MACF1: variants seen among roughly 807,000 people sequenced by gnomAD.
MACF1 encodes the protein microtubule-actin cross-linking factor 1.
A neutral mutation model predicts 854.8 loss-of-function variants in MACF1; 193 were observed. That is an observed-to-expected ratio of 0.23 (90% CI 0.20 to 0.25). The LOEUF (loss-of-function observed/expected upper bound fraction) is 0.25, where lower values mean the gene tolerates loss of function less well. Among genes scored for constraint, MACF1 ranks in the 10% least tolerant of loss-of-function variants. The pLI is 1.00. For missense variants in MACF1, 7,722 were observed against 8,929.1 expected (o/e 0.86, Z 5.45); for synonymous variants, 3,185 against 3,226.7 (o/e 0.99, Z 0.44).
At chr1:39,353,728 A>G (rs1010945228) in intron 44 of MACF1, among the ~76,000 whole-genome samples, 2 of 152,114 alleles carry the variant, frequency 1.3e-5, no homozygotes, top group African/African-American at 2.4e-5. Context: ...ACAATTAAAC[A>G]TTCTCTTTCC....
intron 80 of MACF1, among the ~76,000 whole-genome samples, chr1:39,446,533 G>A (rs1016072471): frequency 6.6e-6 from 1 of 150,770 alleles, no homozygotes; most frequent in Non-Finnish European, 1.5e-5. Flanking sequence ...AAAATAACCT[G>A]AAAGCGCAAA....
chr1:39,429,167 A>G lies in MACF1; in HGVS notation c.16804-75A>G, dbSNP rs645061. On this transcript the variant is annotated intron_variant, in intron 63 of 100. Transcript: ENST00000564288. ...TATTCATCTCTTTACTTTAAATTTG[A>G]TCTCTTAAAGGTCTCGCATTTTGTT... The G allele has an allele frequency of 0.75, 537,133 of 712,450 alleles. 205,301 individuals are homozygous for G. The highest frequency in any genetic ancestry group is 0.94 in the African/African-American group (52,333 of 55,602). 44.1% of individuals were successfully genotyped at this position (712,450 alleles called of 1,614,324 possible).
intron 49 of MACF1, among the ~76,000 whole-genome samples, chr1:39,363,269 CAA>C (rs1569711794): frequency 6.6e-6 from 1 of 152,096 alleles, no homozygotes; most frequent in Non-Finnish European, 1.5e-5. Context: ...TAAAACTCTT[CAA>C]AAAGTTATAC....
chr1:39,202,087 C>T (rs979168942), upstream of MACF1, among the ~76,000 whole-genome samples: 2 of 149,624 alleles, frequency 1.3e-5, no homozygotes, highest in African/African-American at 4.9e-5. Flanking sequence ...CTGCCTCAGC[C>T]TCCCAAGTAG....
chr1:39,286,529 C>T (rs1166476695), intron 14 of MACF1, among the ~76,000 whole-genome samples: 1 of 151,344 alleles, frequency 6.6e-6, no homozygotes, highest in Non-Finnish European at 1.5e-5. Context: ...TGCAGTGACA[C>T]GATCTCGGCT....
At position 39,460,806 on chromosome 1, in the gene MACF1, C is replaced by T; in HGVS notation, c.21523+12C>T. ...CATTTTAGCATCCAGTGAGTCTAGT[C>T]ATCATTCCAAACATGGGTCACACCT... On this transcript the variant is annotated intron_variant, in intron 92 of 100. Transcript: ENST00000564288. This position sits in a 1 kb window ranked among gnomAD's most constrained non-coding sequence, Gnocchi z 4.1. 7 of 1,613,792 alleles carry T rather than the reference C, an allele frequency of 4.3e-6. No individual in the cohort carries two copies. Among genetic ancestry groups the T allele is most frequent in the Non-Finnish European group, 5.9e-6 (7 of 1,179,724 alleles).
In MACF1 at chr1:39,413,159, C is replaced by A. The variant is rs761023006; in HGVS notation, c.15817-9215C>A. 8 of 1,613,152 alleles carry A rather than the reference C, an allele frequency of 5.0e-6. No individual in the cohort carries two copies. The East Asian group carries it at 1.8e-4, about 36-fold the overall frequency. On this transcript the variant is annotated intron_variant, in intron 58 of 100. Coordinates refer to ENST00000564288, the MANE Select transcript of MACF1 (RefSeq NM_001394062.1). ...GCTTTAGCTATTACAGTACCCATCA[C>A]AGAGGAGGATGGTACACCAGAAGGG...
At chr1:39,417,703 C>T (rs1254665358) in intron 58 of MACF1, among the ~76,000 whole-genome samples, 4 of 145,310 alleles carry the variant, frequency 2.8e-5, no homozygotes, top group African/African-American at 5.0e-5. Context: ...TGTGCCACCA[C>T]ACCCAGTTAA....
rs75051271 is a variant in MACF1 at position 39,184,168 on chromosome 1, G to A, written c.221-47014G>A. The stretch of plus-strand genomic sequence containing the variant: ...TGTTCATGTGCCCTCAGAGCATATG[G>A]TTGAGTCTATGCATGTCTTGGGTAT... On this transcript the variant is annotated intron_variant, in intron 2 of 93. Coordinates refer to the MACF1 transcript ENST00000361689. Among the ~76,000 whole-genome samples the A allele has an allele frequency of 3.0e-4, 45 of 152,290 alleles. No individual in the cohort carries two copies. In the East Asian group the frequency reaches 7.9e-3, roughly 27 times the overall value.
intron 1 of MACF1, among the ~76,000 whole-genome samples, chr1:39,228,565 C>T (rs1009999078): frequency 6.6e-6 from 1 of 152,172 alleles, no homozygotes; most frequent in Non-Finnish European, 1.5e-5. Flanking sequence ...GTTGGAATGA[C>T]AGTGATCAAA....
Position 39,302,349 on chromosome 1 carries a change from A to G in MACF1, c.2635-575A>G, listed in dbSNP as rs898849146. ...CCTAGCACATAGTAGACACTCAAGA[A>G]ATATGTATTATACAAAAGAATGAAT... On this transcript the variant is annotated intron_variant, in intron 22 of 100. Coordinates refer to ENST00000564288, the MANE Select transcript of MACF1 (RefSeq NM_001394062.1). Among the ~76,000 whole-genome samples the G allele has an allele frequency of 1.3e-5, 2 of 152,304 alleles. 1 individual carries two copies. The highest frequency in any genetic ancestry group is 6.8e-3 in the Middle Eastern group (2 of 294).
intron 2 of MACF1, among the ~76,000 whole-genome samples, chr1:39,165,432 C>A (rs1172451709): frequency 3.9e-5 from 6 of 152,176 alleles, no homozygotes; most frequent in Non-Finnish European, 5.9e-5. Context: ...TACTGCATGT[C>A]ACTGGGCTAG....
intron 1 of MACF1, among the ~76,000 whole-genome samples, chr1:39,221,523 C>A (rs149876429): frequency 6.6e-6 from 1 of 152,262 alleles, no homozygotes; most frequent in East Asian, 1.9e-4. Context: ...CCCAATGTAC[C>A]CTCACCAAAT....
rs1650621908 is a variant in MACF1 at position 39,385,466 on chromosome 1, A to G, written c.13881A>G (p.Gln4627=). 2 of 1,614,178 alleles carry G rather than the reference A, an allele frequency of 1.2e-6. No homozygotes were observed. Among genetic ancestry groups the G allele is most frequent in the Non-Finnish European group, 8.5e-7 (1 of 1,180,016 alleles). The change falls in exon 57 of 101, where the codon CAA becomes CAG. Residue 4627 remains glutamine, a synonymous_variant. Coordinates refer to ENST00000564288, the MANE Select transcript of MACF1 (RefSeq NM_001394062.1). ...FMLKEFEARR[Q]QHEQLNEAAQ... ...TAAAGGAATTTGAAGCACGCAGGCAACAGCATGAGCAACTGAATGAGGCAG... is the reference window on the plus strand; with the variant it reads ...TAAAGGAATTTGAAGCACGCAGGCAGCAGCATGAGCAACTGAATGAGGCAG...
At chr1:39,427,670 A>G in intron 62 of MACF1, 56 bp downstream of exon 62, 1 of 1,542,302 alleles carries the variant, frequency 6.5e-7, no homozygotes, top group Non-Finnish European at 8.9e-7. Flanking sequence ...AATCCTAGAA[A>G]TGAGTAAACT....
At chr1:39,432,675 G>C (rs200294994) in intron 67 of MACF1, 21 bp downstream of exon 67, 219 of 1,608,276 alleles carry the variant, frequency 1.4e-4, no homozygotes, top group South Asian at 1.2e-3. Context: ...ACTCTTTCCT[G>C]AGCTAATAGA....
intron 41 of MACF1, 51 bp downstream of exon 41, chr1:39,347,261 G>C: frequency 7.3e-7 from 1 of 1,378,666 alleles, no homozygotes; most frequent in Non-Finnish European, 1.0e-6. Flanking sequence ...GATGTCCTCT[G>C]TCATTGGGTT....
intron 1 of MACF1, chr1:39,215,549 T>C (rs1354389593): frequency 6.6e-6 from 1 of 152,424 alleles, no homozygotes; most frequent in African/African-American, 2.4e-5. Context: ...TTACAACCTT[T>C]AGGCTTGTTA....
At chr1:39,172,480 A>G (rs1571132465) in intron 2 of MACF1, among the ~76,000 whole-genome samples, 1 of 152,230 alleles carries the variant, frequency 6.6e-6, no homozygotes, top group East Asian at 1.9e-4. Context: ...AATAGGACCT[A>G]CTTCCAGAGT....
Sources: gnomAD v4.1 joint callset for allele counts (sites outside exome capture counted in the v4.1 genomes callset) on GRCh38, gnomAD v4.1.1 for gene constraint, Gnocchi (gnomAD v3.1) non-coding constraint, MANE v1.5 for transcripts, NCBI Gene and HGNC (gene_info 2026-07-23, HGNC 2026-07-21) for gene names.